The following TCF20 variants were observed in gnomAD, a reference collection of about 807,000 sequenced individuals.
TCF20 encodes transcription factor 20.
In TCF20, 3 loss-of-function variants were observed where a neutral mutation model predicts 148.6. The observed-to-expected ratio is 0.02, with a 90% CI of 0.01 to 0.05. TCF20 has a LOEUF of 0.05. Among genes scored for constraint, TCF20 ranks in the 10% least tolerant of loss-of-function variants. The pLI is 1.00. For synonymous variants in TCF20, 1,049 were observed against 909.5 expected (o/e 1.15, Z -2.76); for missense variants, 2,350 against 2,429.3 (o/e 0.97, Z 0.69).
chr22:42,199,364 T>G (rs552731666), intron 2 of TCF20, among the ~76,000 whole-genome samples: 2 of 152,172 alleles, frequency 1.3e-5, no homozygotes, highest in Middle Eastern at 3.4e-3. Context: ...CATTTCACCA[T>G]AGAGTCATGT....
Position 42,215,132 on chromosome 22 carries a change from TCCACCACCACTG to T in TCF20, c.162_173del (p.Ser55_Gly58del). Reference sequence around the variant, plus strand: ...CCGCAGCAGCTGCTGCTCCTCGTCGTCCACCACCACTGCCACTGCCACTGCTGCCACTACTGC... The same window carrying T: ...CCGCAGCAGCTGCTGCTCCTCGTCGTCCACTGCCACTGCTGCCACTACTGC... On this transcript the variant is annotated inframe_deletion, in exon 2 of 6. Transcript: ENST00000677622. 2 of 1,614,008 alleles carry T rather than the reference TCCACCACCACTG, an allele frequency of 1.2e-6. No individual in the cohort carries two copies. The highest frequency in any genetic ancestry group is 1.7e-6 in the Non-Finnish European group (2 of 1,179,944).
chr22:42,169,947 G>A (rs1378902543), intron 3 of TCF20, 51 bp from the exon 4 acceptor site: 5 of 1,580,186 alleles, frequency 3.2e-6, no homozygotes, highest in Non-Finnish European at 3.5e-6. Flanking sequence ...CTGGACATAG[G>A]TGTGGTCATG....
In TCF20 at chr22:42,169,903, G is replaced by T. The variant is rs1404860098; in HGVS notation, c.5750-7C>A. The T allele has an allele frequency of 3.7e-6, 6 of 1,613,342 alleles. No homozygotes were observed. Among genetic ancestry groups the T allele is most frequent in the Non-Finnish European group, 4.2e-6 (5 of 1,179,960 alleles). ...TCCTCATGTAGCAAACAATCTGGAA[G>T]ACAGAAGGGGACAGTCAGATGGAGA... is the stretch of plus-strand genomic sequence containing the variant. On this transcript the variant is annotated splice_region_variant and splice_polypyrimidine_tract_variant and intron_variant, in intron 3 of 5. Transcript: ENST00000677622.
chr22:42,246,606 C>T (rs1022615902), intron 1 of TCF20, among the ~76,000 whole-genome samples: 3 of 152,194 alleles, frequency 2.0e-5, no homozygotes, highest in African/African-American at 7.2e-5. Context: ...GTAGAGGATA[C>T]GGCAAGTGCC....
At chr22:42,241,222 ACCCAAAG>A (rs1376974019) in intron 1 of TCF20, among the ~76,000 whole-genome samples, 1 of 152,014 alleles carries the variant, frequency 6.6e-6, no homozygotes, top group African/African-American at 2.4e-5. Context: ...AAGACATCAC[ACCCAAAG>A]CCTCTAATTA....
At chr22:42,275,364 G>A (rs528040314), upstream of TCF20, among the ~76,000 whole-genome samples, 2 of 152,310 alleles carry the variant, frequency 1.3e-5, no homozygotes, top group East Asian at 1.9e-4. Flanking sequence ...CTTCCCCACA[G>A]GTGAGCAGAG....
intron 5 of TCF20, among the ~76,000 whole-genome samples, chr22:42,165,338 A>G: frequency 6.6e-6 from 1 of 152,236 alleles, no homozygotes; most frequent in East Asian, 1.9e-4. Context: ...AGCATCCAGG[A>G]TGCAGCATTA....
At chr22:42,263,323 C>T (rs2042246550) in intron 1 of TCF20, among the ~76,000 whole-genome samples, 1 of 152,136 alleles carries the variant, frequency 6.6e-6, no homozygotes, top group Admixed American at 6.5e-5. Context: ...CAGGGAAACG[C>T]CCAGAGAAGT....
chr22:42,243,600 TCAAAAA>T (rs985935011), intron 1 of TCF20, among the ~76,000 whole-genome samples: 20 of 152,050 alleles, frequency 1.3e-4, no homozygotes, highest in Admixed American at 1.3e-3. Flanking sequence ...AGACTCCCTC[TCAAAAA>T]CAAACAAAAA....
chr22:42,265,255 T>C (rs919631182), intron 1 of TCF20, among the ~76,000 whole-genome samples: 4 of 152,218 alleles, frequency 2.6e-5, no homozygotes, highest in Non-Finnish European at 4.4e-5. Flanking sequence ...TCCAGTGCAA[T>C]GTGACCAAAT....
chr22:42,230,798 A>T (rs1364801411), intron 1 of TCF20, among the ~76,000 whole-genome samples: 1 of 151,760 alleles, frequency 6.6e-6, no homozygotes, highest in Non-Finnish European at 1.5e-5. Context: ...GGTTTAGGCT[A>T]ATGCATGTGT....
At chr22:42,254,959 CAAAA>C (rs10625678) in intron 1 of TCF20, among the ~76,000 whole-genome samples, 8 of 62,810 alleles carry the variant, frequency 1.3e-4, no homozygotes, top group African/African-American at 6.7e-4. Context: ...GACTCCGTCT[CAAAA>C]AAAAAAAAAA....
At chr22:42,343,051 C>T (rs1928195504) in intron 1 of TCF20, among the ~76,000 whole-genome samples, 1 of 152,144 alleles carries the variant, frequency 6.6e-6, no homozygotes, top group Non-Finnish European at 1.5e-5. Context: ...GGTGGTGGGA[C>T]AATGGATGAT....
chr22:42,171,119 G>A (rs1936108292), intron 3 of TCF20, among the ~76,000 whole-genome samples: 1 of 152,230 alleles, frequency 6.6e-6, no homozygotes. Flanking sequence ...CTCCAGGTGA[G>A]CTGAGCTCTC....
intron 1 of TCF20, among the ~76,000 whole-genome samples, chr22:42,231,661 G>A (rs993445705): frequency 1.2e-4 from 18 of 152,146 alleles, no homozygotes; most frequent in Admixed American, 8.5e-4. Flanking sequence ...AGGGACTGGT[G>A]GCTCATGCCT....
intron 1 of TCF20, among the ~76,000 whole-genome samples, chr22:42,325,851 T>C (rs2147054685): frequency 1.3e-5 from 2 of 152,252 alleles, no homozygotes; most frequent in Middle Eastern, 3.4e-3. Flanking sequence ...CAGCCTCTCA[T>C]GTCAAAAGTG....
intron 5 of TCF20, among the ~76,000 whole-genome samples, chr22:42,164,783 T>A (rs187103413): frequency 2.0e-5 from 3 of 152,304 alleles, no homozygotes; most frequent in Admixed American, 2.0e-4. Context: ...GGATTTAAGC[T>A]GAGACCCAGG....
intron 1 of TCF20, among the ~76,000 whole-genome samples, chr22:42,250,397 G>T (rs1376635487): frequency 7.7e-6 from 1 of 129,264 alleles, no homozygotes; most frequent in Non-Finnish European, 1.5e-5. Context: ...AGTGAGCCGA[G>T]ACCACACCAT....
chr22:42,167,060 C>G (rs970923182), intron 5 of TCF20, among the ~76,000 whole-genome samples: 3 of 152,238 alleles, frequency 2.0e-5, no homozygotes, highest in African/African-American at 7.2e-5. Flanking sequence ...CCAGCAGCCA[C>G]TCGCTGATGG....
Sources: gnomAD v4.1 joint callset for allele counts (sites outside exome capture counted in the v4.1 genomes callset) on GRCh38, gnomAD v4.1.1 for gene constraint, MANE v1.5 for transcripts, NCBI Gene and HGNC (gene_info 2026-07-23, HGNC 2026-07-21) for gene names.